EIF2AK4: variants seen among roughly 807,000 people sequenced by gnomAD.
EIF2AK4 encodes the protein eIF-2-alpha kinase GCN2.
Under a neutral mutation model 211.1 loss-of-function variants are expected in EIF2AK4, and 139 were observed. That is an observed-to-expected ratio of 0.66 (90% confidence interval 0.57 to 0.76). The LOEUF (loss-of-function observed/expected upper bound fraction) is 0.76. Ranked by LOEUF, EIF2AK4 falls within the 30% of genes least tolerant of loss-of-function variation. The pLI is 0.00. For synonymous variants in EIF2AK4, 710 were observed against 751.3 expected (o/e 0.94, Z 0.90); for missense variants, 1,664 against 2,043.8 (o/e 0.81, Z 3.58).
At chr15:40,032,111 A>T in intron 35 of EIF2AK4, 58 bp from the exon 36 acceptor site, 1 of 1,361,012 alleles carries the variant, frequency 7.3e-7, no homozygotes, top group Non-Finnish European at 1.1e-6. Flanking sequence ...AGGAAATAAG[A>T]TGGCAAGAAA....
intron 6 of EIF2AK4, among the ~76,000 whole-genome samples, chr15:39,959,838 A>G (rs2034441547): frequency 6.6e-6 from 1 of 152,246 alleles, no homozygotes; most frequent in Non-Finnish European, 1.5e-5. Flanking sequence ...GAACAGAACT[A>G]CAATGTATTT....
chr15:39,973,660 A>G lies in EIF2AK4; in HGVS notation c.1729A>G (p.Ser577Gly), dbSNP rs377210121. The G allele has an allele frequency of 5.5e-5, 89 of 1,614,070 alleles. 1 individual carries two copies. The highest frequency in any genetic ancestry group is 6.9e-5 in the Non-Finnish European group (82 of 1,180,022). Reference protein sequence around the residue: ...SNRLPSAAFFSETQRQFSRYF... With the variant: ...SNRLPSAAFFGETQRQFSRYF... ...CCGGCTACCCAGTGCTGCCTTCTTT[A>G]GTGAGACACAGAGACAGTTTTCCCG... Residue 577 changes from serine (S) to glycine (G), a missense_variant, in exon 11 of 39, where the codon AGT becomes GGT. Transcript: ENST00000263791.
At chr15:40,020,342 A>AT (rs528608840) in intron 30 of EIF2AK4, among the ~76,000 whole-genome samples, 1,761 of 137,312 alleles carry the variant, frequency 0.013, 26 homozygotes, top group African/African-American at 0.016. Context: ...CTAACATAAC[A>AT]TTTTTTTTTT....
At chr15:39,980,514 T>C (rs2034766299) in intron 13 of EIF2AK4, among the ~76,000 whole-genome samples, 1 of 152,182 alleles carries the variant, frequency 6.6e-6, no homozygotes, top group Non-Finnish European at 1.5e-5. Flanking sequence ...ATTTTTGAAA[T>C]AGTTAATGCA....
intron 16 of EIF2AK4, among the ~76,000 whole-genome samples, chr15:39,990,935 G>A (rs1290025095): frequency 2.0e-5 from 3 of 152,192 alleles, no homozygotes; most frequent in African/African-American, 2.4e-5. Flanking sequence ...CTTGGCTGTC[G>A]GAAGACCAGC....
At chr15:39,943,284 C>T (rs1267425444) in intron 2 of EIF2AK4, 99 bp from the exon 3 acceptor site, 1 of 912,294 alleles carries the variant, frequency 1.1e-6, no homozygotes, top group Non-Finnish European at 1.6e-6. Flanking sequence ...GATTAAGGGC[C>T]TTGGGCCCAG....
At chr15:39,953,780 T>G in intron 4 of EIF2AK4, 124 bp from the exon 5 acceptor site, 1 of 921,806 alleles carries the variant, frequency 1.1e-6, no homozygotes, top group Non-Finnish European at 1.6e-6. Context: ...TGCTGTGTTT[T>G]CAGATCTCTT....
Position 40,009,664 on chromosome 15 carries a change from A to G in EIF2AK4, c.3627A>G (p.Ile1209Met). 5 of 1,609,962 alleles carry G rather than the reference A, an allele frequency of 3.1e-6. No individual in the cohort carries two copies. The highest frequency in any genetic ancestry group is 4.2e-6 in the Non-Finnish European group (5 of 1,178,368). The change falls in exon 26 of 39, where the codon ATA becomes ATG. Residue 1209 changes from isoleucine (I) to methionine (M), a missense_variant. By Grantham distance (10) the Ile-to-Met change is conservative. Coordinates refer to ENST00000263791, the MANE Select transcript of EIF2AK4 (RefSeq NM_001013703.4). ...YLNHTMLLKA[I>M]LLHCGIPEDK... ...ACCATACCATGTTATTGAAAGCAAT[A>G]CTCTTACACTGTGGGATCCCAGAAG... is the stretch of plus-strand genomic sequence containing the variant.
chr15:39,964,226 C>A lies in EIF2AK4; in HGVS notation c.860-1460C>A, dbSNP rs2034512198. Among the ~76,000 whole-genome samples the A allele has an allele frequency of 2.6e-5, 4 of 152,278 alleles. No individual in the cohort carries two copies. The South Asian group carries it at 8.3e-4, about 32-fold the overall frequency. On this transcript the variant is annotated intron_variant, in intron 7 of 38. Transcript: ENST00000263791. Reference sequence around the variant, plus strand: ...TTCCAAAGTATTTTTGCTGAGACATCTTTATCATGTATATGCAGGTTACTT... The same window carrying A: ...TTCCAAAGTATTTTTGCTGAGACATATTTATCATGTATATGCAGGTTACTT...
rs114076620 is a variant in EIF2AK4, at chr15:40,002,577, G to C, written c.3160-136G>C. The C allele has an allele frequency of 5.7e-4, 476 of 837,418 alleles. 2 individuals are homozygous for C. In the African/African-American group the frequency reaches 7.6e-3, roughly 13 times the overall value. The allele number at this position is 837,418 out of a possible 1,614,324, so 51.9% of individuals were successfully genotyped here. On this transcript the variant is annotated intron_variant, in intron 21 of 38. Coordinates refer to ENST00000263791, the MANE Select transcript of EIF2AK4 (RefSeq NM_001013703.4). The stretch of plus-strand genomic sequence containing the variant: ...TCCTCTTCCCTGATGTGTTCAAAGA[G>C]GGATGGACTTGTCAAGACTTGTTTT...
intron 1 of EIF2AK4, among the ~76,000 whole-genome samples, chr15:39,934,676 T>C (rs534757): frequency 0.43 from 64,832 of 152,064 alleles, 16,707 homozygotes; most frequent in East Asian, 0.85. Context: ...TGAAAGCCCT[T>C]GCGGATGATA....
chr15:39,949,178 TC>T lies in EIF2AK4; in HGVS notation c.426del (p.Lys143SerfsTer44), dbSNP rs2034270205. On this transcript the variant is annotated frameshift_variant, in exon 4 of 39. Transcript: ENST00000263791. LOFTEE classifies it high-confidence loss of function. The part of the protein sequence containing the change: ...SFLSEHNKPP[P>X]KSFHEEMLER... ...TTCTCAGCGAGCATAACAAGCCCCCTCCCAAGTCTTTTCATGAAGAAATGCT... is the reference window on the plus strand; with the variant it reads ...TTCTCAGCGAGCATAACAAGCCCCCTCCAAGTCTTTTCATGAAGAAATGCT... 6.2e-7 allele frequency: 1 copy of T among 1,613,898 alleles called. No homozygotes were observed. Among genetic ancestry groups the T allele is most frequent in the Admixed American group, 1.7e-5 (1 of 59,976 alleles).
chr15:39,953,996 A>G lies in EIF2AK4; in HGVS notation c.594+12A>G, dbSNP rs938132638. On this transcript the variant is annotated intron_variant, in intron 5 of 38. Transcript: ENST00000263791. ...AAATGGCTAAGCAGGTACCCTATCA[A>G]CTCCACCATAATAATTTACATTTTG... 10 of 1,559,224 alleles carry G rather than the reference A, an allele frequency of 6.4e-6. 1 individual carries two copies. The South Asian group carries it at 1.2e-4, about 18-fold the overall frequency.
chr15:40,012,495 A>T (rs958104725), intron 27 of EIF2AK4, among the ~76,000 whole-genome samples: 1 of 152,242 alleles, frequency 6.6e-6, no homozygotes, highest in Non-Finnish European at 1.5e-5. Flanking sequence ...GACAATATAC[A>T]GTATTTACAT....
chr15:39,995,415 C>T (rs2035005639), intron 18 of EIF2AK4, among the ~76,000 whole-genome samples: 1 of 150,164 alleles, frequency 6.7e-6, no homozygotes, highest in Non-Finnish European at 1.5e-5. Flanking sequence ...CTGAAAGCGG[C>T]TCTACACCCT....
At chr15:39,988,596 G>A (rs2034899089) in intron 15 of EIF2AK4, among the ~76,000 whole-genome samples, 1 of 152,184 alleles carries the variant, frequency 6.6e-6, no homozygotes, top group Non-Finnish European at 1.5e-5. Context: ...AACAGGGACT[G>A]TAAAGCCTAA....
At chr15:39,992,420 G>A in intron 17 of EIF2AK4, 191 bp downstream of exon 17, 1 of 536,462 alleles carries the variant, frequency 1.9e-6, no homozygotes, top group Non-Finnish European at 3.2e-6. Flanking sequence ...TGAACTTTAA[G>A]AAATTAGAGC....
At chr15:40,027,746 C>T (rs2035483248) in intron 33 of EIF2AK4, among the ~76,000 whole-genome samples, 1 of 151,988 alleles carries the variant, frequency 6.6e-6, no homozygotes, top group African/African-American at 2.4e-5. Context: ...AAAAAATTAG[C>T]GGGGCATGGT....
At position 40,020,895 on chromosome 15, in the gene EIF2AK4, C is replaced by T. The variant is rs1408326684; in HGVS notation, c.4174-4C>T. 16 of 1,606,762 alleles carry T rather than the reference C, an allele frequency of 1.0e-5. No homozygotes were observed. The highest frequency in any genetic ancestry group is 1.4e-5 in the Non-Finnish European group (16 of 1,176,478). ...TAACTGTAACCGGTCTGTTTCTGAT[C>T]CAGGTTACAATAAGCTCTTGTGACC... On this transcript the variant is annotated splice_polypyrimidine_tract_variant and splice_region_variant and intron_variant, in intron 30 of 38. Transcript: ENST00000263791.
Sources: allele counts gnomAD v4.1 joint callset (sites outside exome capture counted in the v4.1 genomes callset), GRCh38; gene constraint gnomAD v4.1.1; transcripts MANE v1.5; gene names NCBI Gene and HGNC (gene_info 2026-07-23, HGNC 2026-07-21).